KCNT2: variants seen among roughly 807,000 people sequenced by gnomAD.
KCNT2 encodes potassium sodium-activated channel subfamily T member 2.
A neutral mutation model predicts 153.8 loss-of-function variants in KCNT2; 67 were observed. That is an observed-to-expected ratio of 0.44 (90% CI 0.36 to 0.53). KCNT2 has a LOEUF of 0.53. Ranked by LOEUF, KCNT2 falls within the 20% of genes least tolerant of loss-of-function variation. The pLI is 0.00. For missense variants in KCNT2, 975 were observed against 1,354.8 expected (o/e 0.72, Z 4.40); for synonymous variants, 500 against 458.8 (o/e 1.09, Z -1.15).
chr1:196,528,596 G>A lies in KCNT2; in HGVS notation c.96-36255C>T, dbSNP rs181391015. On this transcript the variant is annotated intron_variant, in intron 1 of 27. Transcript: ENST00000294725. The stretch of plus-strand genomic sequence containing the variant: ...GTTCGTACCCATTTACTTTAGCATG[G>A]TCCATTTTAAAAAGAAGCCTTTTAG... Among the ~76,000 whole-genome samples the A allele has an allele frequency of 3.1e-3, 475 of 152,176 alleles. 1 individual carries two copies. Among genetic ancestry groups the A allele is most frequent in the Non-Finnish European group, 5.2e-3 (352 of 67,984 alleles).
chr1:196,556,001 TC>T (rs1658604638), intron 1 of KCNT2, among the ~76,000 whole-genome samples: 1 of 151,302 alleles, frequency 6.6e-6, no homozygotes, highest in Non-Finnish European at 1.5e-5. Flanking sequence ...AAAAATCAAA[TC>T]AAAATGAATT....
intron 1 of KCNT2, among the ~76,000 whole-genome samples, chr1:196,571,255 A>C (rs913259393): frequency 6.6e-6 from 1 of 152,136 alleles, no homozygotes; most frequent in Non-Finnish European, 1.5e-5. Flanking sequence ...AAAAATGCTT[A>C]GGGGTCCATT....
At chr1:196,588,271 G>GAA (rs67282727) in intron 1 of KCNT2, among the ~76,000 whole-genome samples, 94 of 150,028 alleles carry the variant, frequency 6.3e-4, no homozygotes, top group Middle Eastern at 6.8e-3. Flanking sequence ...AAATAGATGG[G>GAA]AAAAAAAAAC....
intron 12 of KCNT2, among the ~76,000 whole-genome samples, chr1:196,415,370 C>T (rs961820275): frequency 1.3e-5 from 2 of 151,760 alleles, no homozygotes; most frequent in Non-Finnish European, 1.5e-5. Flanking sequence ...TATGCCAGAT[C>T]CTTCCTAAGA....
At chr1:196,498,126 T>G (rs1454481275) in intron 1 of KCNT2, among the ~76,000 whole-genome samples, 2 of 152,166 alleles carry the variant, frequency 1.3e-5, no homozygotes, top group African/African-American at 4.8e-5. Flanking sequence ...GAGTTCAATG[T>G]AAAATTTACC....
intron 8 of KCNT2, among the ~76,000 whole-genome samples, chr1:196,444,789 T>G (rs1485736972): frequency 6.6e-6 from 1 of 151,364 alleles, no homozygotes; most frequent in Non-Finnish European, 1.5e-5. Flanking sequence ...TTGGGAAGTG[T>G]TTGAGGTCAT....
chr1:196,333,205 G>A (rs1664666696), intron 17 of KCNT2, among the ~76,000 whole-genome samples: 1 of 151,464 alleles, frequency 6.6e-6, no homozygotes, highest in African/African-American at 2.4e-5. Flanking sequence ...TCAAGCCTGT[G>A]GACTGCTGTG....
chr1:196,374,052 T>C (rs1423571253), intron 13 of KCNT2, among the ~76,000 whole-genome samples: 2 of 151,938 alleles, frequency 1.3e-5, no homozygotes, highest in African/African-American at 4.8e-5. Context: ...TTCTATTTTC[T>C]ACAGAAGTCG....
chr1:196,344,868 T>C (rs1043136666), intron 14 of KCNT2, among the ~76,000 whole-genome samples: 19 of 151,842 alleles, frequency 1.3e-4, no homozygotes, highest in African/African-American at 4.6e-4. Flanking sequence ...TGTCATTTCG[T>C]TGGAATTTTT....
At chr1:196,441,941 A>C (rs1675270627) in intron 8 of KCNT2, among the ~76,000 whole-genome samples, 1 of 151,834 alleles carries the variant, frequency 6.6e-6, no homozygotes, top group Non-Finnish European at 1.5e-5. Context: ...ACAAATAAAG[A>C]GACAAAACAA....
chr1:196,480,803 C>T (rs1339754685), intron 4 of KCNT2, among the ~76,000 whole-genome samples: 1 of 135,654 alleles, frequency 7.4e-6, no homozygotes, highest in Non-Finnish European at 1.5e-5. Flanking sequence ...TTGCAGTGAG[C>T]CGAGATCGCA....
At chr1:196,349,800 G>A (rs887783324) in intron 14 of KCNT2, among the ~76,000 whole-genome samples, 1 of 151,832 alleles carries the variant, frequency 6.6e-6, no homozygotes, top group African/African-American at 2.4e-5. Flanking sequence ...CTGGTGTGCT[G>A]CACCCATTAA....
At chr1:196,344,931 A>G (rs1356597855) in intron 14 of KCNT2, among the ~76,000 whole-genome samples, 18 of 152,048 alleles carry the variant, frequency 1.2e-4, no homozygotes, top group Admixed American at 1.1e-3. Flanking sequence ...GAATCTCTAA[A>G]TTAATCTAAT....
At chr1:196,320,191 C>T (rs1166047604) in intron 19 of KCNT2, among the ~76,000 whole-genome samples, 1 of 151,634 alleles carries the variant, frequency 6.6e-6, no homozygotes, top group East Asian at 1.9e-4. Context: ...TACTTATATA[C>T]ATATTTGAGG....
At chr1:196,569,914 A>G (rs1020327145) in intron 1 of KCNT2, among the ~76,000 whole-genome samples, 1 of 152,076 alleles carries the variant, frequency 6.6e-6, no homozygotes, top group Non-Finnish European at 1.5e-5. Flanking sequence ...TGAGGTAGAT[A>G]AACAACTTCT....
intron 27 of KCNT2, among the ~76,000 whole-genome samples, chr1:196,228,926 A>G (rs1653709386): frequency 6.6e-6 from 1 of 152,112 alleles, no homozygotes; most frequent in African/African-American, 2.4e-5. Context: ...TAGCAGGAAA[A>G]TTATTTATCT....
At chr1:196,383,808 T>C (rs1218993088) in intron 13 of KCNT2, among the ~76,000 whole-genome samples, 2 of 152,196 alleles carry the variant, frequency 1.3e-5, no homozygotes, top group African/African-American at 4.8e-5. Context: ...TATTCAATGT[T>C]GCCCTGTGCT....
At chr1:196,367,387 T>C (rs1668130083) in intron 14 of KCNT2, among the ~76,000 whole-genome samples, 1 of 152,160 alleles carries the variant, frequency 6.6e-6, no homozygotes, top group South Asian at 2.1e-4. Flanking sequence ...ATTTGTATGA[T>C]TCAATATATT....
chr1:196,591,194 G>A (rs1572914874), intron 1 of KCNT2, among the ~76,000 whole-genome samples: 1 of 152,076 alleles, frequency 6.6e-6, no homozygotes, highest in Non-Finnish European at 1.5e-5. Context: ...GAGTTCACAA[G>A]AGAGTTGGTT....
Sources: allele counts gnomAD v4.1 joint callset (sites outside exome capture counted in the v4.1 genomes callset), GRCh38; gene constraint gnomAD v4.1.1; transcripts MANE v1.5; gene names NCBI Gene and HGNC (gene_info 2026-07-23, HGNC 2026-07-21).